Variants in AGAP3 observed in about 807,000 individuals in gnomAD.
The protein encoded by AGAP3 is ArfGAP with GTPase domain, ankyrin repeat and PH domain 3, also known as arf-GAP with GTPase, ANK repeat and PH domain-containing protein 3.
In AGAP3, 24 loss-of-function variants were observed where a neutral mutation model predicts 96.9. That is an observed-to-expected ratio of 0.25 (90% CI 0.18 to 0.35). AGAP3 has a LOEUF of 0.35. Among genes scored for constraint, AGAP3 ranks in the 10% least tolerant of loss-of-function variants. The pLI, the probability that AGAP3 is intolerant of heterozygous loss-of-function variation, is 1.00. For synonymous variants in AGAP3, 563 were observed against 536.1 expected (o/e 1.05, Z -0.69); for missense variants, 876 against 1,254.2 (o/e 0.70, Z 4.55).
rs560715913 is a variant in AGAP3 at position 151,108,034 on chromosome 7, G to A, written c.332-8759G>A. Among the ~76,000 whole-genome samples the A allele has an allele frequency of 1.3e-5, 2 of 152,206 alleles. No homozygotes were observed. Among genetic ancestry groups the A allele is most frequent in the African/African-American group, 2.4e-5 (1 of 41,452 alleles). ...GCGGGGGGTGCAGCACATGCTGGTC[G>A]CGTTCCTCTCCAGGGAGGAGCTGCT... On this transcript the variant is annotated intron_variant, in intron 1 of 17. Coordinates refer to ENST00000397238, the MANE Select transcript of AGAP3 (RefSeq NM_031946.7). This position sits in a 1 kb window ranked among gnomAD's most constrained non-coding sequence, Gnocchi z 4.2.
At position 151,114,092 on chromosome 7, in the gene AGAP3, G is replaced by A. The variant is rs1049831089; in HGVS notation, c.332-2701G>A. Among the ~76,000 whole-genome samples the A allele has an allele frequency of 6.6e-6, 1 of 152,218 alleles. No individual in the cohort carries two copies. The highest frequency in any genetic ancestry group is 1.5e-5 in the Non-Finnish European group (1 of 68,044). On this transcript the variant is annotated intron_variant, in intron 1 of 17. Coordinates refer to ENST00000397238, the MANE Select transcript of AGAP3 (RefSeq NM_031946.7). This position sits in a 1 kb window ranked among gnomAD's most constrained non-coding sequence, Gnocchi z 4.4. ...GACGCTTAACTCAGTCCAGACAGATGAGTATCTTCTGGATTTTATAATCTC... is the reference window on the plus strand; with the variant it reads ...GACGCTTAACTCAGTCCAGACAGATAAGTATCTTCTGGATTTTATAATCTC...
Position 151,130,403 on chromosome 7 carries a change from G to A in AGAP3, c.1326+1719G>A, listed in dbSNP as rs1800357557. ...TTTCAGAGTCACCCGGCTGGTGGCTGAGCTAAGACTTGGACCCATGACTTT... is the reference window on the plus strand; with the variant it reads ...TTTCAGAGTCACCCGGCTGGTGGCTAAGCTAAGACTTGGACCCATGACTTT... On this transcript the variant is annotated intron_variant, in intron 10 of 17. Transcript: ENST00000397238. Among the ~76,000 whole-genome samples, 3 of 152,196 alleles carry A rather than the reference G, an allele frequency of 2.0e-5. No homozygotes were observed. The South Asian group carries it at 6.2e-4, about 31-fold the overall frequency.
intron 1 of AGAP3, among the ~76,000 whole-genome samples, chr7:151,102,549 T>TA (rs1243627624): frequency 2.2e-5 from 3 of 136,404 alleles, no homozygotes; most frequent in African/African-American, 8.2e-5. Flanking sequence ...CACTTGAGCC[T>TA]AAAAGAGTTC....
At position 151,141,856 on chromosome 7, in the gene AGAP3, C is replaced by A. The variant is rs752211923; in HGVS notation, c.1805-42C>A. The stretch of plus-strand genomic sequence containing the variant: ...GGCGATAGCATGCCCTGGGTGTGCA[C>A]GCAGGCCAGGAGCCCTGATGGCATA... On this transcript the variant is annotated intron_variant, in intron 13 of 17. Transcript: ENST00000397238. The surrounding 1 kb of genome is among the most constrained non-coding windows in gnomAD (Gnocchi z 4.2). 13 of 1,613,130 alleles carry A rather than the reference C, an allele frequency of 8.1e-6. No homozygotes were observed. Among genetic ancestry groups the A allele is most frequent in the Admixed American group, 1.7e-5 (1 of 59,988 alleles).
intron 9 of AGAP3, among the ~76,000 whole-genome samples, chr7:151,127,075 C>T (rs1584767450): frequency 6.6e-6 from 1 of 152,210 alleles, no homozygotes; most frequent in African/African-American, 2.4e-5. Flanking sequence ...TCCCCCTCAC[C>T]TCCTGTTGGG....
chr7:151,106,982 T>C (rs1052246032), intron 1 of AGAP3, among the ~76,000 whole-genome samples: 1 of 152,204 alleles, frequency 6.6e-6, no homozygotes, highest in African/African-American at 2.4e-5. Context: ...ATTAGTGCAA[T>C]GATTTGAACA....
Position 151,118,698 on chromosome 7 carries a change from G to A in AGAP3, c.969+66G>A. 1.3e-6 allele frequency: 2 copies of A among 1,575,800 alleles called. No individual in the cohort carries two copies. The highest frequency in any genetic ancestry group is 2.3e-5 in the East Asian group (1 of 44,418). On this transcript the variant is annotated intron_variant, in intron 7 of 17. Coordinates refer to ENST00000397238, the MANE Select transcript of AGAP3 (RefSeq NM_031946.7). The surrounding 1 kb of genome is among the most constrained non-coding windows in gnomAD (Gnocchi z 6.1). ...TGTCTGTCTTGCCTCTGTGCGTCCTGCCACTTCTGCTGGCCTCCTGCTCAC... is the reference window on the plus strand; with the variant it reads ...TGTCTGTCTTGCCTCTGTGCGTCCTACCACTTCTGCTGGCCTCCTGCTCAC...
chr7:151,126,624 TCG>T (rs1800189655), intron 9 of AGAP3, among the ~76,000 whole-genome samples: 3 of 152,092 alleles, frequency 2.0e-5, no homozygotes, highest in Admixed American at 2.0e-4. Context: ...CTTAGAGCCT[TCG>T]AGCACGCTAG....
chr7:151,141,996 A>G lies in AGAP3; in HGVS notation c.1903A>G (p.Ser635Gly), dbSNP rs1268438403. The G allele has an allele frequency of 2.5e-6, 4 of 1,614,034 alleles. No individual in the cohort carries two copies. Among genetic ancestry groups the G allele is most frequent in the Admixed American group, 1.7e-5 (1 of 60,022 alleles). ...TAEERELWVQ[S>G]VQAQILASLQ... ...GGAGGAGCGGGAGCTGTGGGTTCAG[A>G]GTGTGCAGGCCCAGATCCTTGCCAG... is the stretch of plus-strand genomic sequence containing the variant. Residue 635 changes from serine (S) to glycine (G), a missense_variant, in exon 14 of 18, where the codon AGT becomes GGT. Ser to Gly is a moderately conservative substitution (Grantham distance 56). This residue lies in a region of AGAP3 where 103 missense variants were observed against 183.0 expected (regional missense o/e 0.56). Coordinates refer to ENST00000397238, the MANE Select transcript of AGAP3 (RefSeq NM_031946.7). This position sits in a 1 kb window ranked among gnomAD's most constrained non-coding sequence, Gnocchi z 4.2.
At chr7:151,122,409 G>C (rs1010659723) in intron 8 of AGAP3, among the ~76,000 whole-genome samples, 1 of 152,226 alleles carries the variant, frequency 6.6e-6, no homozygotes, top group African/African-American at 2.4e-5. Context: ...CTGGGAGAAC[G>C]GGAGGGATGG....
chr7:151,142,318 G>T lies in AGAP3; in HGVS notation c.2050+65G>T. ...CCAGGGAAAGCTTCGCAAGCATCAG[G>T]GAGCAGGGAAGAGGGCAGGGAAGCC... On this transcript the variant is annotated intron_variant, in intron 15 of 17. Coordinates refer to ENST00000397238, the MANE Select transcript of AGAP3 (RefSeq NM_031946.7). The surrounding 1 kb of genome is among the most constrained non-coding windows in gnomAD (Gnocchi z 7.5). 1 of 1,600,890 alleles carries T rather than the reference G, an allele frequency of 6.2e-7. No individual in the cohort carries two copies. The highest frequency in any genetic ancestry group is 8.5e-7 in the Non-Finnish European group (1 of 1,171,608).
chr7:151,103,814 A>G (rs1798929116), intron 1 of AGAP3, among the ~76,000 whole-genome samples: 1 of 152,120 alleles, frequency 6.6e-6, no homozygotes, highest in African/African-American at 2.4e-5. Flanking sequence ...CATGACATGG[A>G]CTTATTGTAG....
intron 1 of AGAP3, among the ~76,000 whole-genome samples, chr7:151,094,075 G>T (rs990196172): frequency 6.6e-6 from 1 of 152,138 alleles, no homozygotes; most frequent in Admixed American, 6.5e-5. Flanking sequence ...TGTGGGGAGA[G>T]GTGAGATTTT....
In AGAP3 at chr7:151,143,196, C is replaced by T. The variant is rs564650959; in HGVS notation, c.2274-145C>T. On this transcript the variant is annotated intron_variant, in intron 16 of 17. Transcript: ENST00000397238. The surrounding 1 kb of genome is among the most constrained non-coding windows in gnomAD (Gnocchi z 5.9). ...GCCTGGAGTTTCCAAGGCTTCTCTCCTTCCTTTTTGCTCCATCTCATCTTC... is the reference window on the plus strand; with the variant it reads ...GCCTGGAGTTTCCAAGGCTTCTCTCTTTCCTTTTTGCTCCATCTCATCTTC... 49 of 1,003,954 alleles carry T rather than the reference C, an allele frequency of 4.9e-5. No individual in the cohort carries two copies. The African/African-American group carries it at 7.7e-4, about 16-fold the overall frequency. 62.2% of individuals were successfully genotyped at this position (1,003,954 alleles called of 1,614,324 possible).
In AGAP3 at chr7:151,118,693, G is replaced by A. The variant is rs116615381; in HGVS notation, c.969+61G>A. 1.6e-3 allele frequency: 2,568 copies of A among 1,580,752 alleles called. 26 individuals carry two copies. In the African/African-American group the frequency reaches 0.029, roughly 18 times the overall value. On this transcript the variant is annotated intron_variant, in intron 7 of 17. Coordinates refer to ENST00000397238, the MANE Select transcript of AGAP3 (RefSeq NM_031946.7). The surrounding 1 kb of genome is among the most constrained non-coding windows in gnomAD (Gnocchi z 6.1). Reference sequence around the variant, plus strand: ...CACCATGTCTGTCTTGCCTCTGTGCGTCCTGCCACTTCTGCTGGCCTCCTG... The same window carrying A: ...CACCATGTCTGTCTTGCCTCTGTGCATCCTGCCACTTCTGCTGGCCTCCTG...
At chr7:151,106,960 C>T (rs1169918022) in intron 1 of AGAP3, among the ~76,000 whole-genome samples, 2 of 152,220 alleles carry the variant, frequency 1.3e-5, no homozygotes, top group Non-Finnish European at 2.9e-5. Context: ...TCCTCCACAT[C>T]AGTCCTGCAA....
intron 1 of AGAP3, among the ~76,000 whole-genome samples, chr7:151,113,628 G>A (rs1319290119): frequency 6.6e-6 from 1 of 152,228 alleles, no homozygotes; most frequent in Non-Finnish European, 1.5e-5. Flanking sequence ...GCAAGCCCCT[G>A]GTCCCTTGCC....
rs779593432 is a variant in AGAP3, at chr7:151,142,530, G to A, written c.2169G>A (p.Pro723=). The A allele has an allele frequency of 3.0e-5, 48 of 1,613,590 alleles. No homozygotes were observed. The highest frequency in any genetic ancestry group is 3.3e-5 in the South Asian group (3 of 91,078). The change falls in exon 16 of 18, where the codon CCG becomes CCA. Residue 723 remains proline, a synonymous_variant. Coordinates refer to ENST00000397238, the MANE Select transcript of AGAP3 (RefSeq NM_031946.7). The surrounding 1 kb of genome is among the most constrained non-coding windows in gnomAD (Gnocchi z 7.5). ...RVRSLDLDDW[P]PELLAVMTAM... ...GCTCCCTTGACCTCGATGACTGGCC[G>A]CCTGAGCTGCTGGCTGTCATGACTG...
chr7:151,132,006 G>A (rs914108520), intron 10 of AGAP3, among the ~76,000 whole-genome samples: 2 of 152,234 alleles, frequency 1.3e-5, no homozygotes, highest in Non-Finnish European at 2.9e-5. Flanking sequence ...ACTGCCGACG[G>A]GGACCAGGGA....
Sources: allele counts gnomAD v4.1 joint callset (sites outside exome capture counted in the v4.1 genomes callset), GRCh38; gene constraint gnomAD v4.1.1; regional missense constraint gnomAD v4.1.1; non-coding constraint Gnocchi (gnomAD v3.1); transcripts MANE v1.5; gene names NCBI Gene and HGNC (gene_info 2026-07-23, HGNC 2026-07-21).